ARHGAP15: variants seen among roughly 807,000 people sequenced by gnomAD.
The protein encoded by ARHGAP15 is Rho GTPase activating protein 15.
Under a neutral mutation model 63.7 loss-of-function variants are expected in ARHGAP15, and 51 were observed. The ratio of observed to expected loss-of-function variants is 0.80; its 90% CI spans 0.64 to 1.01. The LOEUF is 1.01. ARHGAP15 is among the 50% of genes least tolerant of loss of function. The probability of loss-of-function intolerance (pLI) is 0.00; values close to 1 mark genes in which losing one functional copy is unlikely to be tolerated. For synonymous variants in ARHGAP15, 191 were observed against 193.8 expected (o/e 0.99, Z 0.12); for missense variants, 560 against 564.6 (o/e 0.99, Z 0.08).
chr2:143,301,202 C>T (rs531747397), intron 6 of ARHGAP15, among the ~76,000 whole-genome samples: 1 of 151,776 alleles, frequency 6.6e-6, no homozygotes, highest in South Asian at 2.1e-4. Flanking sequence ...TATTTGCATT[C>T]CTTTTCACTA....
intron 10 of ARHGAP15, among the ~76,000 whole-genome samples, chr2:143,538,386 G>A (rs1694879290): frequency 6.6e-6 from 1 of 152,086 alleles, no homozygotes; most frequent in Non-Finnish European, 1.5e-5. Context: ...TCTCCTGCCT[G>A]ATTACCCTGG....
chr2:143,184,384 G>A (rs6713092), intron 2 of ARHGAP15, among the ~76,000 whole-genome samples: 50,938 of 152,024 alleles, frequency 0.34, 8,708 homozygotes, highest in South Asian at 0.47. Flanking sequence ...ATTTCAATAA[G>A]GCAGGACTAA....
intron 6 of ARHGAP15, among the ~76,000 whole-genome samples, chr2:143,285,484 G>T (rs780360580): frequency 9.9e-5 from 15 of 152,148 alleles, no homozygotes; most frequent in Non-Finnish European, 1.9e-4. Context: ...TCGGTCAGGT[G>T]GCCAAACTGT....
At chr2:143,406,925 T>C (rs1368397362) in intron 6 of ARHGAP15, among the ~76,000 whole-genome samples, 1 of 151,854 alleles carries the variant, frequency 6.6e-6, no homozygotes, top group Non-Finnish European at 1.5e-5. Flanking sequence ...GGGATGAAAG[T>C]TGTACAGGAG....
At chr2:143,749,290 A>C (rs1278740889) in intron 13 of ARHGAP15, among the ~76,000 whole-genome samples, 2 of 152,250 alleles carry the variant, frequency 1.3e-5, no homozygotes, top group African/African-American at 4.8e-5. Context: ...TTTGCAAGTA[A>C]GGAACATTTC....
At chr2:143,379,701 A>G (rs1018712571) in intron 6 of ARHGAP15, among the ~76,000 whole-genome samples, 6 of 152,050 alleles carry the variant, frequency 3.9e-5, no homozygotes, top group Non-Finnish European at 7.4e-5. Flanking sequence ...TGTCATAAAA[A>G]TTAAATTGAA....
chr2:143,343,158 A>G (rs1685133813), intron 6 of ARHGAP15, among the ~76,000 whole-genome samples: 1 of 151,952 alleles, frequency 6.6e-6, no homozygotes, highest in African/African-American at 2.4e-5. Flanking sequence ...CGAATGATAA[A>G]CCCCGCACTG....
chr2:143,408,497 A>T (rs1214707002), intron 6 of ARHGAP15, among the ~76,000 whole-genome samples: 1 of 151,760 alleles, frequency 6.6e-6, no homozygotes. Flanking sequence ...TTTCACATCT[A>T]AAAGTTGAGA....
chr2:143,295,616 G>A (rs543701688), intron 6 of ARHGAP15: 1 of 151,994 alleles, frequency 6.6e-6, no homozygotes, highest in African/African-American at 2.4e-5. Flanking sequence ...GAGGTACTGA[G>A]AATGTCAGGG....
rs1683442546 is a variant in ARHGAP15, at chr2:143,311,397, C to T, written c.474+60797C>T. ...ATAATTTGAAAAATTTCATTCAGTTCCCCAAATTATTCTAGTCATTATGGA... is the reference window on the plus strand; with the variant it reads ...ATAATTTGAAAAATTTCATTCAGTTTCCCAAATTATTCTAGTCATTATGGA... On this transcript the variant is annotated intron_variant, in intron 6 of 13. Transcript: ENST00000295095. 2.6e-5 allele frequency among the ~76,000 whole-genome samples: 4 copies of T among 151,482 alleles called. No individual in the cohort carries two copies. The South Asian group carries it at 8.3e-4, about 32-fold the overall frequency.
intron 6 of ARHGAP15, among the ~76,000 whole-genome samples, chr2:143,382,019 C>T (rs1177321866): frequency 1.3e-5 from 2 of 151,904 alleles, no homozygotes; most frequent in Non-Finnish European, 2.9e-5. Context: ...GATGCTTTTG[C>T]TTTTTCCTAA....
chr2:143,461,306 AC>A (rs1237431693), intron 8 of ARHGAP15, among the ~76,000 whole-genome samples: 1,849 of 149,168 alleles, frequency 0.012, 26 homozygotes, highest in Non-Finnish European at 0.022. Flanking sequence ...AAAAAAAAAA[AC>A]AGAACTCAAG....
chr2:143,315,090 T>C (rs906369988), intron 6 of ARHGAP15, among the ~76,000 whole-genome samples: 1 of 152,202 alleles, frequency 6.6e-6, no homozygotes, highest in African/African-American at 2.4e-5. Context: ...TTCAAGGAGG[T>C]TTGCAGATTA....
intron 12 of ARHGAP15, among the ~76,000 whole-genome samples, chr2:143,658,146 T>G (rs555975510): frequency 1.3e-5 from 2 of 152,332 alleles, no homozygotes; most frequent in South Asian, 2.1e-4. Flanking sequence ...TCTTAATTTG[T>G]TCTCTGGCCA....
intron 6 of ARHGAP15, among the ~76,000 whole-genome samples, chr2:143,302,598 A>C (rs1682954660): frequency 6.6e-6 from 1 of 152,016 alleles, no homozygotes. Flanking sequence ...AAGTTGTCTA[A>C]AAGCAGAAGG....
intron 12 of ARHGAP15, among the ~76,000 whole-genome samples, chr2:143,660,816 A>T (rs1048575365): frequency 1.3e-5 from 2 of 152,240 alleles, no homozygotes; most frequent in Admixed American, 1.3e-4. Context: ...AGCAAATAAC[A>T]CAAGGCTGTG....
At chr2:143,606,952 A>G (rs1698061518) in intron 11 of ARHGAP15, 1 of 152,246 alleles carries the variant, frequency 6.6e-6, no homozygotes, top group Non-Finnish European at 1.5e-5. Context: ...TAAAAGGTAC[A>G]TTATATTACA....
intron 6 of ARHGAP15, among the ~76,000 whole-genome samples, chr2:143,429,219 G>T (rs1321360286): frequency 3.2e-5 from 4 of 125,534 alleles, no homozygotes; most frequent in Admixed American, 2.3e-4. Flanking sequence ...TGAACATGAG[G>T]GTTTTTTTTT....
At chr2:143,153,551 G>C (rs1689920504) in intron 1 of ARHGAP15, among the ~76,000 whole-genome samples, 1 of 151,830 alleles carries the variant, frequency 6.6e-6, no homozygotes, top group Admixed American at 6.6e-5. Flanking sequence ...GAATCATAAA[G>C]TGCAAGTGTT....
Sources: gnomAD v4.1 joint callset for allele counts (sites outside exome capture counted in the v4.1 genomes callset) on GRCh38, gnomAD v4.1.1 for gene constraint, MANE v1.5 for transcripts, NCBI Gene and HGNC (gene_info 2026-07-23, HGNC 2026-07-21) for gene names.